GON4L: variants seen among roughly 807,000 people sequenced by gnomAD.
GON4L encodes the protein GON-4-like protein.
Under a neutral mutation model 211.8 loss-of-function variants are expected in GON4L, and 87 were observed. The ratio of observed to expected loss-of-function variants is 0.41; its 90% CI spans 0.35 to 0.49. The LOEUF is 0.49. Ranked by LOEUF, GON4L falls within the 20% of genes least tolerant of loss-of-function variation. GON4L has a pLI of 0.15. For missense variants in GON4L, 2,155 were observed against 2,659.5 expected, an observed-to-expected ratio of 0.81 and a Z score of 4.17; for synonymous variants, 875 against 962.6, an observed-to-expected ratio of 0.91 and a Z score of 1.68.
chr1:155,774,837 AAC>A, intron 17 of GON4L, 163 bp downstream of exon 17: 1 of 867,788 alleles, frequency 1.2e-6, no homozygotes, highest in Admixed American at 2.1e-5. Flanking sequence ...GTAATTCTAG[AAC>A]TTGGATAATG....
At position 155,850,357 on chromosome 1, in the gene GON4L, TC is replaced by T. The variant is rs1244779791; in HGVS notation, c.505+2918del. ...CATACAAAAAAAACCGCTATTCCTG[TC>T]TACATTTCCAGATAAAACACAGGTG... On this transcript the variant is annotated intron_variant, in intron 2 of 31. Coordinates refer to ENST00000368331, the MANE Select transcript of GON4L (RefSeq NM_001282860.2). Among the ~76,000 whole-genome samples, 12 of 152,328 alleles carry T rather than the reference TC, an allele frequency of 7.9e-5. No individual in the cohort carries two copies. The South Asian group carries it at 1.2e-3, about 16-fold the overall frequency.
upstream of GON4L, among the ~76,000 whole-genome samples, chr1:155,858,918 C>A (rs988832701): frequency 3.9e-5 from 6 of 152,038 alleles, no homozygotes; most frequent in African/African-American, 1.4e-4. Context: ...TGGTCTCGAA[C>A]TCCTGACCTC....
Position 155,822,331 on chromosome 1 carries a change from G to C in GON4L, c.843C>G (p.Ala281=). The part of the protein sequence containing the change: ...DMLDRTLEDG[A]KQHNLTAVNV... ...TGACTGCTGTTAGATTGTGCTGCTT[G>C]GCACCATCCTCCAAGGTACGGTCAA... is the stretch of plus-strand genomic sequence containing the variant. The change falls in exon 4 of 32, where the codon GCC becomes GCG. Residue 281 remains alanine, a synonymous_variant. Transcript: ENST00000368331. The C allele has an allele frequency of 6.2e-7, 1 of 1,614,028 alleles. No homozygotes were observed. The highest frequency in any genetic ancestry group is 2.2e-5 in the East Asian group (1 of 44,888).
At chr1:155,841,011 G>A (rs1363146104) in intron 2 of GON4L, among the ~76,000 whole-genome samples, 1 of 152,104 alleles carries the variant, frequency 6.6e-6, no homozygotes, top group East Asian at 1.9e-4. Context: ...CTCCGGCCTG[G>A]GCAACAAGAG....
rs755848073 is a variant in GON4L, at chr1:155,764,871, T to C, written c.4473+129A>G. On this transcript the variant is annotated intron_variant, in intron 21 of 31. Transcript: ENST00000368331. ...TCAACTCCACAATCATGTCCCATAA[T>C]GCATTCACAAATCAAATACAAATGA... is the stretch of plus-strand genomic sequence containing the variant. 3 of 1,567,174 alleles carry C rather than the reference T, an allele frequency of 1.9e-6. No homozygotes were observed. In the South Asian group the frequency reaches 3.3e-5, roughly 17 times the overall value.
intron 2 of GON4L, among the ~76,000 whole-genome samples, chr1:155,833,888 T>C (rs77322195): frequency 0.019 from 2,913 of 151,924 alleles, 90 homozygotes; most frequent in African/African-American, 0.067. Context: ...AATGCAGTGG[T>C]GCGATCAGAG....
chr1:155,762,154 A>C, intron 23 of GON4L, 36 bp downstream of exon 23: 3 of 1,526,746 alleles, frequency 2.0e-6, no homozygotes, highest in Non-Finnish European at 2.7e-6. Context: ...CCACATTCAT[A>C]GAGACTGGCA....
rs750154520 is a variant in GON4L, at chr1:155,814,313, G to T, written c.1281+17C>A. The T allele has an allele frequency of 4.4e-6, 7 of 1,607,940 alleles. No individual in the cohort carries two copies. The East Asian group carries it at 1.3e-4, about 31-fold the overall frequency. ...GACAGTTATGTCTAACATCTCTTTT[G>T]TATGATGCCGATTTACCTCTGATAA... On this transcript the variant is annotated intron_variant, in intron 9 of 31. Transcript: ENST00000368331.
At chr1:155,832,640 AAAAC>A (rs756416514) in intron 2 of GON4L, among the ~76,000 whole-genome samples, 86 of 152,314 alleles carry the variant, frequency 5.6e-4, no homozygotes, top group Non-Finnish European at 7.5e-4. Context: ...CTCTGTCTCA[AAAAC>A]AAACAAACAA....
rs1250799326 is a variant in GON4L at position 155,773,053 on chromosome 1, A to G, written c.2495+13T>C. 3.1e-6 allele frequency: 5 copies of G among 1,611,690 alleles called. No individual in the cohort carries two copies. The Admixed American group carries it at 8.3e-5, about 27-fold the overall frequency. On this transcript the variant is annotated intron_variant, in intron 18 of 31. Transcript: ENST00000368331. ...ATGTTCTGCTGTTTTGATCCCCCAG[A>G]GTAAACACTTACTTGTCCTCAGCCT...
intron 2 of GON4L, among the ~76,000 whole-genome samples, chr1:155,828,636 G>A (rs914009425): frequency 2.7e-5 from 4 of 150,524 alleles, no homozygotes; most frequent in East Asian, 3.9e-4. Context: ...GCAAAACCCC[G>A]TCTCTACTAA....
At position 155,822,321 on chromosome 1, in the gene GON4L, T is replaced by A; in HGVS notation, c.853A>T (p.Asn285Tyr). Reference protein sequence around the residue: ...RTLEDGAKQHNLTAVNVRNIL... With the variant: ...RTLEDGAKQHYLTAVNVRNIL... Reference sequence around the variant, plus strand: ...TTTCGGACATTGACTGCTGTTAGATTGTGCTGCTTGGCACCATCCTCCAAG... The same window carrying A: ...TTTCGGACATTGACTGCTGTTAGATAGTGCTGCTTGGCACCATCCTCCAAG... The change falls in exon 4 of 32, where the codon AAT becomes TAT. Residue 285 changes from asparagine to tyrosine, a missense_variant. This residue lies in a region of GON4L where 551 missense variants were observed against 854.0 expected (regional missense o/e 0.65). Coordinates refer to ENST00000368331, the MANE Select transcript of GON4L (RefSeq NM_001282860.2). 1 of 1,614,148 alleles carries A rather than the reference T, an allele frequency of 6.2e-7. No individual in the cohort carries two copies. The highest frequency in any genetic ancestry group is 1.1e-5 in the South Asian group (1 of 91,092).
At chr1:155,758,596 A>C (rs1188133785) in intron 24 of GON4L, among the ~76,000 whole-genome samples, 2 of 152,112 alleles carry the variant, frequency 1.3e-5, no homozygotes, top group African/African-American at 4.8e-5. Context: ...TCCTGTCTAC[A>C]GGCCAGCTGT....
chr1:155,851,907 G>A (rs1458858205), intron 2 of GON4L, among the ~76,000 whole-genome samples: 1 of 152,038 alleles, frequency 6.6e-6, no homozygotes, highest in Non-Finnish European at 1.5e-5. Context: ...GCTCACGCCT[G>A]TAATCCCAGC....
rs111520179 is a variant in GON4L at position 155,770,708 on chromosome 1, G to A, written c.2646+359C>T. On this transcript the variant is annotated intron_variant, in intron 19 of 31. Coordinates refer to ENST00000368331, the MANE Select transcript of GON4L (RefSeq NM_001282860.2). The stretch of plus-strand genomic sequence containing the variant: ...TACTGAAAATACAAAAATTAGCCAG[G>A]TGTGGTGGTGCATGCCTGTAATCCA... Among the ~76,000 whole-genome samples the A allele has an allele frequency of 5.6e-3, 855 of 152,246 alleles. 7 individuals carry two copies. The highest frequency in any genetic ancestry group is 0.019 in the African/African-American group (808 of 41,550).
At chr1:155,807,244 TAA>T (rs1049050397) in intron 10 of GON4L, among the ~76,000 whole-genome samples, 4 of 151,680 alleles carry the variant, frequency 2.6e-5, no homozygotes, top group African/African-American at 9.7e-5. Context: ...CTACAAAAAA[TAA>T]AAAGTTAGAT....
intron 2 of GON4L, among the ~76,000 whole-genome samples, chr1:155,829,450 C>CA (rs1669538329): frequency 6.6e-6 from 1 of 151,906 alleles, no homozygotes; most frequent in Admixed American, 6.6e-5. Context: ...TACTAAAATA[C>CA]AAAAAATTAG....
intron 6 of GON4L, among the ~76,000 whole-genome samples, chr1:155,819,654 C>T (rs1668566646): frequency 6.6e-6 from 1 of 152,164 alleles, no homozygotes; most frequent in South Asian, 2.1e-4. Flanking sequence ...TCCTTACTAT[C>T]AGAAATATAA....
intron 2 of GON4L, among the ~76,000 whole-genome samples, chr1:155,829,273 C>T (rs1170906433): frequency 6.6e-6 from 1 of 152,100 alleles, no homozygotes; most frequent in East Asian, 1.9e-4. Flanking sequence ...ATGATTTTAG[C>T]TTATAATTAG....
Sources: gnomAD v4.1 joint callset for allele counts (sites outside exome capture counted in the v4.1 genomes callset) on GRCh38, gnomAD v4.1.1 for gene constraint, gnomAD v4.1.1 regional missense constraint, MANE v1.5 for transcripts, NCBI Gene and HGNC (gene_info 2026-07-23, HGNC 2026-07-21) for gene names.